Variants in NBAS observed in about 807,000 individuals in gnomAD.
NBAS encodes NAG/BC035112 fusion.
Under a neutral mutation model 302.5 loss-of-function variants are expected in NBAS, and 219 were observed. That is an observed-to-expected ratio of 0.72 (90% CI 0.65 to 0.81). The LOEUF is 0.81. Among genes scored for constraint, NBAS ranks in the 30% least tolerant of loss-of-function variants. The pLI is 0.00. For missense variants in NBAS, 2,932 were observed against 2,841.6 expected (o/e 1.03, Z -0.72); for synonymous variants, 1,118 against 1,021.6 (o/e 1.09, Z -1.80).
chr2:15,561,109 T>C, intron 1 of NBAS, 79 bp downstream of exon 1: 3 of 642,998 alleles, frequency 4.7e-6, no homozygotes, highest in Non-Finnish European at 7.6e-6. Context: ...TCCACTCCCC[T>C]ACGTGGCTCC....
chr2:14,848,859 G>C, the NBAS span, among the ~76,000 whole-genome samples: 1 of 151,104 alleles, frequency 6.6e-6, no homozygotes, highest in Admixed American at 6.6e-5. Context: ...ACCTGCAGCT[G>C]AGGGTCCTGT....
the NBAS span, among the ~76,000 whole-genome samples, chr2:14,813,352 G>T: frequency 6.6e-6 from 1 of 152,166 alleles, no homozygotes; most frequent in Non-Finnish European, 1.5e-5. Context: ...CCAAAATACT[G>T]ATAGTGATAT....
At chr2:15,163,213 G>C (rs1186854471), downstream of NBAS, among the ~76,000 whole-genome samples, 1 of 152,238 alleles carries the variant, frequency 6.6e-6, no homozygotes, top group Non-Finnish European at 1.5e-5. Context: ...ATAGGGCGAA[G>C]AGAAGTGGAG....
At chr2:14,886,457 T>C in the NBAS span, among the ~76,000 whole-genome samples, 3 of 152,354 alleles carry the variant, frequency 2.0e-5, no homozygotes, top group East Asian at 5.8e-4. Flanking sequence ...CATATCTCTC[T>C]ATCAGAGCCT....
the NBAS span, among the ~76,000 whole-genome samples, chr2:15,103,634 A>G: frequency 1.4e-4 from 21 of 152,182 alleles, no homozygotes; most frequent in Non-Finnish European, 2.5e-4. Context: ...TTCTCAATAA[A>G]TGTTTTTAGA....
At chr2:15,395,930 A>C (rs552612283) in intron 27 of NBAS, among the ~76,000 whole-genome samples, 5 of 152,138 alleles carry the variant, frequency 3.3e-5, no homozygotes, top group Non-Finnish European at 1.5e-5. Flanking sequence ...CCAGTGTTGC[A>C]TGAGGGTTCT....
chr2:15,527,212 AAG>A (rs1572970735), intron 9 of NBAS, among the ~76,000 whole-genome samples: 1 of 152,200 alleles, frequency 6.6e-6, no homozygotes, highest in African/African-American at 2.4e-5. Context: ...CTCAAAAAAT[AAG>A]AGTTACTTAT....
chr2:14,938,113 G>A, the NBAS span, among the ~76,000 whole-genome samples: 3 of 151,888 alleles, frequency 2.0e-5, no homozygotes, highest in Admixed American at 2.0e-4. Flanking sequence ...GGGTGACAGC[G>A]AGACTCCATC....
intron 10 of NBAS, among the ~76,000 whole-genome samples, chr2:15,506,167 C>A (rs1196659998): frequency 1.3e-5 from 2 of 151,706 alleles, no homozygotes. Context: ...ATTTGGATTG[C>A]CAGAGAATCT....
At chr2:14,900,071 G>C in the NBAS span, among the ~76,000 whole-genome samples, 8 of 150,996 alleles carry the variant, frequency 5.3e-5, no homozygotes, top group Admixed American at 4.6e-4. Context: ...TGGTTAGAAA[G>C]AATGGAAATG....
At chr2:14,877,011 C>G in the NBAS span, among the ~76,000 whole-genome samples, 3 of 152,240 alleles carry the variant, frequency 2.0e-5, no homozygotes, top group African/African-American at 4.8e-5. Context: ...CTCAGTGACA[C>G]TTGCCCCCTC....
chr2:15,192,024 C>T (rs184873308), intron 48 of NBAS, among the ~76,000 whole-genome samples: 3 of 152,288 alleles, frequency 2.0e-5, no homozygotes, highest in South Asian at 2.1e-4. Context: ...TCAAATGTCA[C>T]CTATCAGTCA....
chr2:15,513,660 CAGA>C (rs544716887), intron 9 of NBAS, among the ~76,000 whole-genome samples: 156 of 149,590 alleles, frequency 1.0e-3, no homozygotes, highest in Non-Finnish European at 1.9e-3. Flanking sequence ...GAGCAACAGA[CAGA>C]AGGAGGATAT....
downstream of NBAS, among the ~76,000 whole-genome samples, chr2:15,166,289 C>T (rs543962397): frequency 6.6e-6 from 1 of 152,262 alleles, no homozygotes; most frequent in Admixed American, 6.5e-5. Context: ...TGGCTCTGTT[C>T]CCCCACCCAC....
At chr2:14,861,909 G>A in the NBAS span, among the ~76,000 whole-genome samples, 13,738 of 152,194 alleles carry the variant, frequency 0.09, 1,798 homozygotes, top group African/African-American at 0.29. Context: ...CACAAGGCTA[G>A]GACCACAGAA....
chr2:14,886,445 T>G, the NBAS span, among the ~76,000 whole-genome samples: 1 of 152,228 alleles, frequency 6.6e-6, no homozygotes, highest in African/African-American at 2.4e-5. Flanking sequence ...TCATCTGCCT[T>G]GCATATCTCT....
chr2:15,414,473 C>A (rs1369298637), intron 25 of NBAS, among the ~76,000 whole-genome samples: 2 of 152,126 alleles, frequency 1.3e-5, no homozygotes, highest in Admixed American at 1.3e-4. Flanking sequence ...GACACTATCT[C>A]TTGAAACAGT....
chr2:15,434,861 T>C (rs1199280261), intron 21 of NBAS, among the ~76,000 whole-genome samples: 1 of 152,164 alleles, frequency 6.6e-6, no homozygotes, highest in Non-Finnish European at 1.5e-5. Context: ...CAAAAGTACA[T>C]ATCTACAACT....
the NBAS span, among the ~76,000 whole-genome samples, chr2:15,149,552 C>G: frequency 3.3e-5 from 5 of 152,138 alleles, no homozygotes; most frequent in Non-Finnish European, 7.3e-5. Flanking sequence ...GTGGCATGAT[C>G]ACAACTCACT....
Sources: allele counts gnomAD v4.1 joint callset (sites outside exome capture counted in the v4.1 genomes callset), GRCh38; gene constraint gnomAD v4.1.1; transcripts MANE v1.5; gene names NCBI Gene and HGNC (gene_info 2026-07-23, HGNC 2026-07-21).